TMPRSS12: variants seen among roughly 807,000 people sequenced by gnomAD.
TMPRSS12 encodes transmembrane serine protease 12.
In TMPRSS12, 25 loss-of-function variants were observed where a neutral mutation model predicts 26.0. The ratio of observed to expected loss-of-function variants is 0.96; its 90% confidence interval spans 0.70 to 1.34. The LOEUF is 1.34. Ranked by LOEUF, TMPRSS12 falls within the 40% of genes most tolerant of loss-of-function variation. The probability of loss-of-function intolerance (pLI) is 0.00; values close to 1 mark genes in which losing one functional copy is unlikely to be tolerated. For missense variants in TMPRSS12, 441 were observed against 440.1 expected (o/e 1.00, Z -0.02); for synonymous variants, 150 against 161.7 (o/e 0.93, Z 0.55).
Position 50,843,900 on chromosome 12 carries a change from C to G in TMPRSS12, c.246C>G (p.Thr82=). 6.4e-7 allele frequency: 1 copy of G among 1,574,724 alleles called. No individual in the cohort carries two copies. Among genetic ancestry groups the G allele is most frequent in the Admixed American group, 1.9e-5 (1 of 53,228 alleles). ...VLQGSRIIGG[T]EAQAGAWPWV... is the part of the protein sequence containing the mutation. Reference sequence around the variant, plus strand: ...AAGGGTCTCGGATTATAGGGGGCACCGAAGCACAAGCTGGCGCATGGCCGT... The same window carrying G: ...AAGGGTCTCGGATTATAGGGGGCACGGAAGCACAAGCTGGCGCATGGCCGT... The change falls in exon 2 of 5, where the codon ACC becomes ACG. Residue 82 remains threonine, a synonymous_variant. Transcript: ENST00000398458.
intron 3 of TMPRSS12, among the ~76,000 whole-genome samples, chr12:50,871,368 T>TGG (rs906613789): frequency 1.3e-5 from 2 of 152,136 alleles, no homozygotes; most frequent in African/African-American, 4.8e-5. Context: ...TTTCAACAAA[T>TGG]GGGGCTGGGA....
chr12:50,876,706 A>AG (rs1938116351), intron 3 of TMPRSS12, among the ~76,000 whole-genome samples: 1 of 147,468 alleles, frequency 6.8e-6, no homozygotes, highest in African/African-American at 2.5e-5. Flanking sequence ...CAGGAGGCTG[A>AG]GGCAGGAGAA....
At position 50,872,519 on chromosome 12, in the gene TMPRSS12, CAAAAA is replaced by C. The variant is rs778372099; in HGVS notation, c.653-12708_653-12704del. 2.2e-3 allele frequency among the ~76,000 whole-genome samples: 87 copies of C among 39,810 alleles called. 4 individuals are homozygous for C. The highest frequency in any genetic ancestry group is 2.4e-3 in the African/African-American group (26 of 10,762). 26.1% of individuals were successfully genotyped at this position (39,810 alleles called of 152,430 possible). A position where few individuals can be genotyped will look rare whatever the true frequency, so the allele number is the denominator to read the frequency against. ...TGGGCGACAGAGCGAGACTCCGTCT[CAAAAA>C]AAAAAAAAAAAAAAAAAAGGAACTG... On this transcript the variant is annotated intron_variant, in intron 3 of 4. Transcript: ENST00000398458.
chr12:50,865,788 A>T lies in TMPRSS12; in HGVS notation c.652+6735A>T, dbSNP rs1329998330. On this transcript the variant is annotated intron_variant, in intron 3 of 4. Transcript: ENST00000398458. Reference sequence around the variant, plus strand: ...TTACAGATTAGTTTTCAGACTTCTCAGTAGGAATAATGAAAGCCAAAAGAC... The same window carrying T: ...TTACAGATTAGTTTTCAGACTTCTCTGTAGGAATAATGAAAGCCAAAAGAC... 2.0e-5 allele frequency among the ~76,000 whole-genome samples: 3 copies of T among 152,030 alleles called. No homozygotes were observed. In the East Asian group the frequency reaches 5.8e-4, roughly 29 times the overall value.
At chr12:50,868,255 C>T (rs1446375493) in intron 3 of TMPRSS12, among the ~76,000 whole-genome samples, 4 of 152,102 alleles carry the variant, frequency 2.6e-5, no homozygotes, top group Non-Finnish European at 5.9e-5. Context: ...AAGAGACTCA[C>T]CTAACACATA....
intron 3 of TMPRSS12, among the ~76,000 whole-genome samples, chr12:50,876,301 T>C (rs953868778): frequency 6.6e-6 from 1 of 152,210 alleles, no homozygotes; most frequent in African/African-American, 2.4e-5. Flanking sequence ...CTGGTGGGAA[T>C]AGAAATTAGT....
chr12:50,847,717 G>A (rs911862301), intron 2 of TMPRSS12, among the ~76,000 whole-genome samples: 1 of 151,946 alleles, frequency 6.6e-6, no homozygotes, highest in Non-Finnish European at 1.5e-5. Flanking sequence ...CCAACATGGT[G>A]AAACCCTGTC....
In TMPRSS12 at chr12:50,858,807, G is replaced by C; in HGVS notation, c.406G>C (p.Val136Leu). The change falls in exon 3 of 5, where the codon GTG (valine) becomes CTG (leucine). Residue 136 changes from valine (V) to leucine (L), a missense_variant. Val to Leu is a conservative substitution (Grantham distance 32, BLOSUM62 1). Coordinates refer to ENST00000398458, the MANE Select transcript of TMPRSS12 (RefSeq NM_182559.3). The part of the protein sequence containing the change: ...DASDPLMWTA[V>L]IGTNNIHGRY... ...CAGCGATCCTTTAATGTGGACAGCT[G>C]TGATTGGAACTAATAATATACATGG... 6.3e-7 allele frequency: 1 copy of C among 1,596,930 alleles called. No individual in the cohort carries two copies. Among genetic ancestry groups the C allele is most frequent in the South Asian group, 1.1e-5 (1 of 87,198 alleles).
chr12:50,859,129 T>C (rs2139725316), intron 3 of TMPRSS12, 76 bp downstream of exon 3: 1 of 1,309,154 alleles, frequency 7.6e-7, no homozygotes, highest in African/African-American at 1.5e-5. Context: ...TTTATATACA[T>C]TCATGTGCCA....
chr12:50,875,917 C>T (rs966505505), intron 3 of TMPRSS12, among the ~76,000 whole-genome samples: 1 of 152,144 alleles, frequency 6.6e-6, no homozygotes, highest in African/African-American at 2.4e-5. Flanking sequence ...ACTAATTAAA[C>T]TGAAAAACCT....
chr12:50,878,153 T>C (rs1233031940), intron 3 of TMPRSS12, among the ~76,000 whole-genome samples: 1 of 149,198 alleles, frequency 6.7e-6, no homozygotes, highest in Non-Finnish European at 1.5e-5. Context: ...GATCCTAAAA[T>C]GTATATGGAA....
At chr12:50,846,139 A>G (rs1452554137) in intron 2 of TMPRSS12, among the ~76,000 whole-genome samples, 1 of 152,124 alleles carries the variant, frequency 6.6e-6, no homozygotes, top group East Asian at 1.9e-4. Context: ...TTTAATTTTG[A>G]TGAAGTCAAA....
chr12:50,873,033 C>G (rs532356605), intron 3 of TMPRSS12, among the ~76,000 whole-genome samples: 2 of 150,904 alleles, frequency 1.3e-5, no homozygotes, highest in East Asian at 3.9e-4. Flanking sequence ...TAACGGCATT[C>G]GCAGCGACCT....
chr12:50,874,259 C>T (rs1444458696), intron 3 of TMPRSS12, among the ~76,000 whole-genome samples: 1 of 151,974 alleles, frequency 6.6e-6, no homozygotes, highest in Non-Finnish European at 1.5e-5. Context: ...AAACCAAAAA[C>T]ATTACAAGAA....
chr12:50,877,554 T>A (rs1273986921), intron 3 of TMPRSS12, among the ~76,000 whole-genome samples: 1 of 152,238 alleles, frequency 6.6e-6, no homozygotes, highest in South Asian at 2.1e-4. Context: ...CAATAAACTA[T>A]CTGAAAACAA....
At chr12:50,852,278 A>G (rs538364268) in intron 2 of TMPRSS12, among the ~76,000 whole-genome samples, 71 of 152,358 alleles carry the variant, frequency 4.7e-4, no homozygotes, top group Non-Finnish European at 7.2e-4. Context: ...CCACCTGTAC[A>G]TTGTCTTTAA....
At chr12:50,874,977 A>G (rs1224883869) in intron 3 of TMPRSS12, among the ~76,000 whole-genome samples, 1 of 152,230 alleles carries the variant, frequency 6.6e-6, no homozygotes, top group African/African-American at 2.4e-5. Context: ...GTTCATAGAC[A>G]GGAAAAATCA....
intron 3 of TMPRSS12, among the ~76,000 whole-genome samples, chr12:50,870,151 G>A (rs188966450): frequency 2.0e-4 from 30 of 152,152 alleles, no homozygotes; most frequent in Non-Finnish European, 2.8e-4. Flanking sequence ...CCAAGATTGT[G>A]CCACTGCACT....
chr12:50,881,976 A>T (rs1592225501), intron 3 of TMPRSS12, among the ~76,000 whole-genome samples: 1 of 65,148 alleles, frequency 1.5e-5, no homozygotes, highest in Admixed American at 2.2e-4. Context: ...AAAAAAAAAA[A>T]AAAAAAAAAA....
Sources: allele counts gnomAD v4.1 joint callset (sites outside exome capture counted in the v4.1 genomes callset), GRCh38; gene constraint gnomAD v4.1.1; transcripts MANE v1.5; gene names NCBI Gene and HGNC (gene_info 2026-07-23, HGNC 2026-07-21).